ST7: variants seen among roughly 807,000 people sequenced by gnomAD.
ST7 encodes suppressor of tumorigenicity 7 protein.
A neutral mutation model predicts 78.7 loss-of-function variants in ST7; 28 were observed. The observed-to-expected ratio is 0.36, with a 90% CI of 0.26 to 0.49. The LOEUF (loss-of-function observed/expected upper bound fraction) is 0.49. ST7 is among the 20% of genes least tolerant of loss of function. The pLI is 0.99. For synonymous variants in ST7, 247 were observed against 249.6 expected (o/e 0.99, Z 0.10); for missense variants, 418 against 696.0 (o/e 0.60, Z 4.49).
chr7:117,053,960 C>T (rs1354872590), intron 1 of ST7, among the ~76,000 whole-genome samples: 1 of 152,030 alleles, frequency 6.6e-6, no homozygotes, highest in Non-Finnish European at 1.5e-5. Flanking sequence ...GTCTCAGCCT[C>T]CCGAGTAGCT....
chr7:117,023,739 G>A (rs553440328), intron 1 of ST7, among the ~76,000 whole-genome samples: 2 of 152,088 alleles, frequency 1.3e-5, no homozygotes, highest in South Asian at 2.1e-4. Context: ...GTTGAGGAAG[G>A]TGATAATTAA....
At chr7:117,040,156 G>A (rs780281201) in intron 1 of ST7, among the ~76,000 whole-genome samples, 3 of 151,998 alleles carry the variant, frequency 2.0e-5, no homozygotes, top group African/African-American at 4.8e-5. Context: ...GGTGGATCAC[G>A]ATGTCAGGAG....
chr7:117,041,397 A>C (rs942652227), intron 1 of ST7, among the ~76,000 whole-genome samples: 3 of 152,200 alleles, frequency 2.0e-5, no homozygotes, highest in Non-Finnish European at 4.4e-5. Context: ...AGCCAGAGCT[A>C]TAAGACAGTG....
intron 1 of ST7, among the ~76,000 whole-genome samples, chr7:116,986,038 G>T (rs1379562596): frequency 6.6e-6 from 1 of 152,220 alleles, no homozygotes; most frequent in Non-Finnish European, 1.5e-5. Context: ...TTGCCATGTT[G>T]GCCAGGCTGG....
At chr7:117,140,159 T>G (rs1246865913) in intron 9 of ST7, among the ~76,000 whole-genome samples, 1 of 152,250 alleles carries the variant, frequency 6.6e-6, no homozygotes, top group African/African-American at 2.4e-5. Flanking sequence ...TAAAATTTCA[T>G]GTGATTAAAA....
At chr7:117,026,273 A>G (rs1019832799) in intron 1 of ST7, among the ~76,000 whole-genome samples, 2 of 152,226 alleles carry the variant, frequency 1.3e-5, no homozygotes, top group African/African-American at 2.4e-5. Context: ...AATTTTCAAT[A>G]TGAGACTATA....
At chr7:117,093,198 A>G (rs1800764382) in intron 1 of ST7, among the ~76,000 whole-genome samples, 1 of 152,232 alleles carries the variant, frequency 6.6e-6, no homozygotes, top group Non-Finnish European at 1.5e-5. Context: ...CCCTTCTATG[A>G]AATGATTCTT....
rs1288954391 is a variant in ST7, at chr7:117,028,333, CT to C, written c.152-71421del. On this transcript the variant is annotated intron_variant, in intron 1 of 15. Coordinates refer to ENST00000323984, the MANE Select transcript of ST7 (RefSeq NM_001369598.1). ...TTCAGGAACTAGAAAAATTATTTTA[CT>C]TTTTTTTGTGAGCATTTCAGACTGT... 2.0e-5 allele frequency among the ~76,000 whole-genome samples: 3 copies of C among 152,036 alleles called. No individual in the cohort carries two copies. The South Asian group carries it at 6.2e-4, about 32-fold the overall frequency.
chr7:117,053,863 T>C (rs375897209), intron 1 of ST7, among the ~76,000 whole-genome samples: 3 of 137,342 alleles, frequency 2.2e-5, no homozygotes, highest in Admixed American at 1.5e-4. Flanking sequence ...TTTTTTTTTT[T>C]AAGACGGAGT....
chr7:117,101,043 CT>C (rs1390724199), intron 2 of ST7, among the ~76,000 whole-genome samples: 2 of 152,070 alleles, frequency 1.3e-5, no homozygotes, highest in Non-Finnish European at 2.9e-5. Context: ...GAAGCTTGAG[CT>C]TGTGAGGAGC....
chr7:117,000,208 T>C (rs1369351773), intron 1 of ST7, among the ~76,000 whole-genome samples: 1 of 152,214 alleles, frequency 6.6e-6, no homozygotes, highest in Admixed American at 6.5e-5. Flanking sequence ...AATTCTGTCT[T>C]TGCTGCAAAC....
intron 1 of ST7, among the ~76,000 whole-genome samples, chr7:117,097,909 T>TATATATATATATATATATATATATATA (rs1554436004): frequency 6.5e-5 from 1 of 15,366 alleles, no homozygotes; most frequent in Non-Finnish European, 1.2e-4. Context: ...TATATATATA[T>TATATATATATATATATATATATATATA]TTTTTTTTTT....
At chr7:117,041,773 C>T (rs1035529668) in intron 1 of ST7, among the ~76,000 whole-genome samples, 3 of 152,104 alleles carry the variant, frequency 2.0e-5, no homozygotes, top group African/African-American at 7.2e-5. Flanking sequence ...TGTCCATGTC[C>T]TAATCTCTGA....
Position 116,978,167 on chromosome 7 carries a change from A to G in ST7, c.151+24476A>G, listed in dbSNP as rs568891599. 3.9e-5 allele frequency among the ~76,000 whole-genome samples: 6 copies of G among 152,296 alleles called. No individual in the cohort carries two copies. In the East Asian group the frequency reaches 5.8e-4, roughly 15 times the overall value. ...CTTTTGGTAAAACATGGAGACTTAC[A>G]TGACATTTTCAGAGAAGAACCATAG... On this transcript the variant is annotated intron_variant, in intron 1 of 15. Transcript: ENST00000323984.
chr7:117,087,453 A>G (rs962591038), intron 1 of ST7, among the ~76,000 whole-genome samples: 7 of 152,206 alleles, frequency 4.6e-5, no homozygotes, highest in Non-Finnish European at 1.0e-4. Context: ...CAGAGAAAGG[A>G]GACACATTCA....
chr7:117,037,927 A>G (rs1796981657), intron 1 of ST7, among the ~76,000 whole-genome samples: 1 of 152,220 alleles, frequency 6.6e-6, no homozygotes, highest in African/African-American at 2.4e-5. Context: ...ATATCTTGAT[A>G]TAAGCTGTGT....
intron 1 of ST7, among the ~76,000 whole-genome samples, chr7:117,035,630 A>G (rs1441617341): frequency 6.6e-6 from 1 of 152,172 alleles, no homozygotes; most frequent in Non-Finnish European, 1.5e-5. Context: ...TTCATTTTTA[A>G]TAAGGGAAAT....
At chr7:116,956,064 T>C (rs1417815854) in intron 1 of ST7, among the ~76,000 whole-genome samples, 1 of 152,202 alleles carries the variant, frequency 6.6e-6, no homozygotes, top group Non-Finnish European at 1.5e-5. Context: ...AGGAGGACTT[T>C]GGCATTAATT....
chr7:116,974,047 A>G (rs1005621186), intron 1 of ST7, among the ~76,000 whole-genome samples: 1 of 152,160 alleles, frequency 6.6e-6, no homozygotes, highest in Non-Finnish European at 1.5e-5. Context: ...TGCCAGCAGG[A>G]GGAATATTTT....
Sources: gnomAD v4.1 joint callset for allele counts (sites outside exome capture counted in the v4.1 genomes callset) on GRCh38, gnomAD v4.1.1 for gene constraint, MANE v1.5 for transcripts, NCBI Gene and HGNC (gene_info 2026-07-23, HGNC 2026-07-21) for gene names.